Variants in ZNF423 observed in about 807,000 individuals in gnomAD.
The protein encoded by ZNF423 is zinc finger protein 423, also known as Ebf-associated zinc finger protein.
ZNF423 carries 12 observed loss-of-function variants against 95.8 expected under a neutral mutation model. The observed-to-expected ratio is 0.13, with a 90% CI of 0.08 to 0.20. The LOEUF (loss-of-function observed/expected upper bound fraction) is 0.20, where lower values mean the gene tolerates loss of function less well. ZNF423 is among the 10% of genes least tolerant of loss of function. The probability of loss-of-function intolerance (pLI) is 1.00; values close to 1 mark genes in which losing one functional copy is unlikely to be tolerated. For missense variants in ZNF423, 1,316 were observed against 1,737.1 expected, an observed-to-expected ratio of 0.76 and a Z score of 4.31; for synonymous variants, 749 against 711.9, an observed-to-expected ratio of 1.05 and a Z score of -0.83.
intron 3 of ZNF423, among the ~76,000 whole-genome samples, chr16:49,667,726 T>C (rs1456235949): frequency 2.0e-5 from 3 of 151,972 alleles, no homozygotes; most frequent in African/African-American, 4.8e-5. Context: ...TACAAAAAAT[T>C]AAAAAATAAT....
At chr16:49,620,452 G>A (rs1362179929) in intron 5 of ZNF423, among the ~76,000 whole-genome samples, 1 of 152,174 alleles carries the variant, frequency 6.6e-6, no homozygotes, top group Non-Finnish European at 1.5e-5. Flanking sequence ...GCAGAGCCCA[G>A]CCCTTGAAGG....
chr16:49,554,846 G>A (rs540787511), intron 5 of ZNF423, among the ~76,000 whole-genome samples: 9 of 151,864 alleles, frequency 5.9e-5, no homozygotes, highest in African/African-American at 1.9e-4. Flanking sequence ...AATCTTACAC[G>A]AGACCTTCAG....
chr16:49,526,385 G>A (rs539569517), intron 5 of ZNF423, among the ~76,000 whole-genome samples: 1 of 152,102 alleles, frequency 6.6e-6, no homozygotes, highest in African/African-American at 2.4e-5. Flanking sequence ...CCTGGGAGCC[G>A]CTGAGACCCC....
At chr16:49,859,139 G>A (rs977830461), upstream of ZNF423, among the ~76,000 whole-genome samples, 1 of 152,152 alleles carries the variant, frequency 6.6e-6, no homozygotes, top group Non-Finnish European at 1.5e-5. Context: ...AGGGGCCGTC[G>A]GGGGAGAGGG....
chr16:49,576,776 G>A (rs1421894647), intron 5 of ZNF423, among the ~76,000 whole-genome samples: 1 of 152,208 alleles, frequency 6.6e-6, no homozygotes, highest in Non-Finnish European at 1.5e-5. Flanking sequence ...TTGGCACTGG[G>A]TGTGATTCCC....
chr16:49,544,210 C>A (rs530280995), intron 5 of ZNF423, among the ~76,000 whole-genome samples: 40 of 152,276 alleles, frequency 2.6e-4, no homozygotes, highest in South Asian at 4.1e-4. Flanking sequence ...CAGTATGGTC[C>A]AGAGGTGAGG....
intron 5 of ZNF423, among the ~76,000 whole-genome samples, chr16:49,532,950 C>T (rs1007624332): frequency 1.3e-5 from 2 of 152,164 alleles, no homozygotes; most frequent in African/African-American, 2.4e-5. Flanking sequence ...GACCGAATGC[C>T]CCATCTGGGT....
Position 49,637,039 on chromosome 16 carries a change from C to G in ZNF423, c.2137G>C (p.Asp713His), listed in dbSNP as rs886126608. The change falls in exon 4 of 8, where the codon GAT becomes CAT. Residue 713 changes from aspartate to histidine, a missense_variant. Physicochemically the swap from Asp to His is moderately conservative, Grantham distance 81. Transcript: ENST00000563137. The surrounding 1 kb of genome is among the most constrained non-coding windows in gnomAD (Gnocchi z 5.6). ...TCCAGCAGGTGCTTCTGCAGGTCAT[C>G]CACCGAGGAAAATTGCTTGTCGCAG... ...ESCDKQFSSV[D>H]DLQKHLLDMH... The G allele has an allele frequency of 1.2e-6, 2 of 1,613,836 alleles. No homozygotes were observed. Among genetic ancestry groups the G allele is most frequent in the African/African-American group, 2.7e-5 (2 of 74,952 alleles).
intron 1 of ZNF423, among the ~76,000 whole-genome samples, chr16:49,851,670 G>A (rs146660211): frequency 1.3e-5 from 2 of 152,272 alleles, no homozygotes; most frequent in Non-Finnish European, 2.9e-5. Context: ...AAAGTCACCC[G>A]CATTTTGCAC....
At chr16:49,767,884 A>G (rs1164444944) in intron 2 of ZNF423, among the ~76,000 whole-genome samples, 1 of 152,236 alleles carries the variant, frequency 6.6e-6, no homozygotes, top group African/African-American at 2.4e-5. Flanking sequence ...AGATGTCTTT[A>G]AAACCAGGCT....
chr16:49,742,263 C>G (rs1359803254), intron 2 of ZNF423, among the ~76,000 whole-genome samples: 1 of 152,078 alleles, frequency 6.6e-6, no homozygotes, highest in Admixed American at 6.6e-5. Flanking sequence ...CCCAACCTCA[C>G]AGACACTTGC....
At chr16:49,702,957 G>A (rs1183901123) in intron 3 of ZNF423, among the ~76,000 whole-genome samples, 2 of 151,228 alleles carry the variant, frequency 1.3e-5, no homozygotes, top group African/African-American at 4.9e-5. Context: ...ACACTCCATG[G>A]CAGGATAAAG....
chr16:49,577,960 T>A (rs377298750), intron 5 of ZNF423, among the ~76,000 whole-genome samples: 3 of 152,086 alleles, frequency 2.0e-5, no homozygotes, highest in Admixed American at 2.0e-4. Flanking sequence ...CCTAGACACA[T>A]GGCAGGCACA....
At chr16:49,510,757 T>A (rs1422805372) in intron 7 of ZNF423, among the ~76,000 whole-genome samples, 1 of 152,152 alleles carries the variant, frequency 6.6e-6, no homozygotes, top group Non-Finnish European at 1.5e-5. Flanking sequence ...GTGGAGCCGG[T>A]GAGGCGCCGC....
chr16:49,564,270 A>G (rs1473339489), intron 5 of ZNF423, among the ~76,000 whole-genome samples: 3 of 152,146 alleles, frequency 2.0e-5, no homozygotes, highest in Non-Finnish European at 4.4e-5. Flanking sequence ...GACTCACCTG[A>G]CCCTTAAAAC....
intron 2 of ZNF423, chr16:49,731,447 C>A: frequency 1.2e-6 from 1 of 808,556 alleles, no homozygotes; most frequent in Non-Finnish European, 1.5e-6. Flanking sequence ...CAGTTCTTTG[C>A]AAAGATGTCC....
intron 3 of ZNF423, among the ~76,000 whole-genome samples, chr16:49,722,839 C>G (rs116407443): frequency 0.015 from 2,277 of 152,300 alleles, 56 homozygotes; most frequent in African/African-American, 0.051. Context: ...GGAACACAAC[C>G]TGACCAGTGA....
chr16:49,850,526 C>A (rs547601594), intron 1 of ZNF423, among the ~76,000 whole-genome samples: 1 of 152,322 alleles, frequency 6.6e-6, no homozygotes, highest in East Asian at 1.9e-4. Context: ...ATATCTTCTG[C>A]AAATGTTTTC....
In ZNF423 at chr16:49,635,047, A is replaced by G. The variant is rs79406320; in HGVS notation, c.3516+613T>C. 6.8e-4 allele frequency among the ~76,000 whole-genome samples: 103 copies of G among 152,332 alleles called. No individual in the cohort carries two copies. The highest frequency in any genetic ancestry group is 4.6e-3 in the East Asian group (24 of 5,184). On this transcript the variant is annotated intron_variant, in intron 4 of 7. Coordinates refer to ENST00000563137, the MANE Select transcript of ZNF423 (RefSeq NM_001379286.1). The surrounding 1 kb of genome is among the most constrained non-coding windows in gnomAD (Gnocchi z 4.8). ...CAATAACAGCAATTGAAACCACATC[A>G]AAGGGCCTTCCACATACCAGCAACT...
Sources: allele counts gnomAD v4.1 joint callset (sites outside exome capture counted in the v4.1 genomes callset), GRCh38; gene constraint gnomAD v4.1.1; non-coding constraint Gnocchi (gnomAD v3.1); transcripts MANE v1.5; gene names NCBI Gene and HGNC (gene_info 2026-07-23, HGNC 2026-07-21).